The following B3GLCT variants were observed in gnomAD, a reference collection of about 807,000 sequenced individuals.
B3GLCT encodes the protein beta 3-glucosyltransferase, also known as beta-1,3-glucosyltransferase.
A neutral mutation model predicts 63.4 loss-of-function variants in B3GLCT; 65 were observed. The ratio of observed to expected loss-of-function variants is 1.03; its 90% confidence interval spans 0.84 to 1.26. The LOEUF (loss-of-function observed/expected upper bound fraction) is 1.26. Among genes scored for constraint, B3GLCT ranks in the 50% most tolerant of loss-of-function variants. The pLI is 0.00. For missense variants in B3GLCT, 577 were observed against 604.8 expected, an observed-to-expected ratio of 0.95 and a Z score of 0.48; for synonymous variants, 233 against 219.2, an observed-to-expected ratio of 1.06 and a Z score of -0.55.
At chr13:31,286,422 G>C (rs939430623) in intron 11 of B3GLCT, among the ~76,000 whole-genome samples, 1 of 152,186 alleles carries the variant, frequency 6.6e-6, no homozygotes, top group Non-Finnish European at 1.5e-5. Flanking sequence ...CTGGACTGAA[G>C]TTACTAATTC....
intron 2 of B3GLCT, among the ~76,000 whole-genome samples, chr13:31,220,206 A>C (rs539345594): frequency 6.6e-6 from 1 of 152,326 alleles, no homozygotes; most frequent in South Asian, 2.1e-4. Flanking sequence ...ATTCCATATA[A>C]AATTCTTTCG....
At chr13:31,321,808 T>C (rs1875340279) in intron 13 of B3GLCT, among the ~76,000 whole-genome samples, 2 of 150,376 alleles carry the variant, frequency 1.3e-5, no homozygotes, top group African/African-American at 4.9e-5. Context: ...ATGAAAGTTT[T>C]GGTACTTGGA....
intron 12 of B3GLCT, among the ~76,000 whole-genome samples, chr13:31,297,372 T>TG (rs1240610250): frequency 6.8e-6 from 1 of 146,674 alleles, no homozygotes; most frequent in African/African-American, 2.7e-5. Context: ...CATTATTTTC[T>TG]GGGTTTTTTT....
intron 8 of B3GLCT, among the ~76,000 whole-genome samples, chr13:31,271,722 T>C (rs1872580889): frequency 6.6e-6 from 1 of 152,244 alleles, no homozygotes; most frequent in Non-Finnish European, 1.5e-5. Flanking sequence ...TCTTCTTTAC[T>C]TCATTGCTTC....
intron 11 of B3GLCT, among the ~76,000 whole-genome samples, chr13:31,286,085 A>G (rs146844444): frequency 5.3e-5 from 8 of 152,318 alleles, no homozygotes; most frequent in South Asian, 2.1e-4. Flanking sequence ...CTGTTTATCA[A>G]TTTGACTACT....
Position 31,279,697 on chromosome 13 carries a change from G to A in B3GLCT, c.850+2926G>A, listed in dbSNP as rs147409646. Among the ~76,000 whole-genome samples, 78 of 152,196 alleles carry A rather than the reference G, an allele frequency of 5.1e-4. No individual in the cohort carries two copies. In the East Asian group the frequency reaches 0.013, roughly 24 times the overall value. On this transcript the variant is annotated intron_variant, in intron 10 of 14. Transcript: ENST00000343307. ...TTGTCATTGATAATATCTTATCAGG[G>A]GACAGGGTTTGAGAGCAGACAACCA...
chr13:31,263,433 T>G (rs1419545891), intron 7 of B3GLCT, among the ~76,000 whole-genome samples: 2 of 152,188 alleles, frequency 1.3e-5, no homozygotes, highest in African/African-American at 4.8e-5. Context: ...AACCTAACTC[T>G]TATGGCTGAC....
chr13:31,258,137 A>G (rs555310639), intron 6 of B3GLCT, among the ~76,000 whole-genome samples: 1 of 152,322 alleles, frequency 6.6e-6, no homozygotes, highest in South Asian at 2.1e-4. Context: ...GAGTGAAGGA[A>G]CTGAGGGAGT....
At chr13:31,301,575 A>T (rs563508976) in intron 12 of B3GLCT, among the ~76,000 whole-genome samples, 4 of 152,194 alleles carry the variant, frequency 2.6e-5, no homozygotes, top group Non-Finnish European at 5.9e-5. Flanking sequence ...TAGTCCCAGG[A>T]ATTTCCCCTT....
chr13:31,211,398 A>G (rs1222928841), intron 1 of B3GLCT, among the ~76,000 whole-genome samples: 1 of 152,192 alleles, frequency 6.6e-6, no homozygotes. Context: ...CTGTCTCAAA[A>G]CAAAACAAAA....
intron 10 of B3GLCT, among the ~76,000 whole-genome samples, chr13:31,277,486 G>A (rs1872853699): frequency 6.6e-6 from 1 of 151,804 alleles, no homozygotes; most frequent in Admixed American, 6.6e-5. Context: ...AAATTAGGCA[G>A]TCTTTTGCAT....
At chr13:31,302,538 C>A (rs1874277192) in intron 12 of B3GLCT, among the ~76,000 whole-genome samples, 1 of 124,222 alleles carries the variant, frequency 8.1e-6, no homozygotes, top group African/African-American at 3.1e-5. Context: ...TCAGGGAGTT[C>A]CCTTTCCGAG....
At chr13:31,260,698 T>G (rs1871981776) in intron 6 of B3GLCT, among the ~76,000 whole-genome samples, 1 of 152,218 alleles carries the variant, frequency 6.6e-6, no homozygotes, top group Non-Finnish European at 1.5e-5. Flanking sequence ...TATGGTATAA[T>G]GAGGACTAAC....
chr13:31,246,427 A>T (rs1056484705), intron 4 of B3GLCT, among the ~76,000 whole-genome samples: 1 of 152,198 alleles, frequency 6.6e-6, no homozygotes, highest in African/African-American at 2.4e-5. Flanking sequence ...AAATTTGTCA[A>T]TTCCATTATT....
intron 6 of B3GLCT, among the ~76,000 whole-genome samples, chr13:31,248,321 A>G (rs983443015): frequency 6.6e-6 from 1 of 152,218 alleles, no homozygotes; most frequent in Middle Eastern, 3.2e-3. Flanking sequence ...TATTTTAGAT[A>G]GAAAATTTTT....
intron 4 of B3GLCT, among the ~76,000 whole-genome samples, chr13:31,238,678 G>A (rs549605366): frequency 3.0e-4 from 46 of 152,266 alleles, no homozygotes; most frequent in Non-Finnish European, 6.2e-4. Context: ...TAGGCCAGGC[G>A]CACCTGTAGT....
At chr13:31,205,202 G>T (rs967986206) in intron 1 of B3GLCT, among the ~76,000 whole-genome samples, 1 of 151,826 alleles carries the variant, frequency 6.6e-6, no homozygotes, top group Non-Finnish European at 1.5e-5. Context: ...AGGTATTTTG[G>T]GGGGTCATTA....
At chr13:31,203,151 C>G (rs575087528) in intron 1 of B3GLCT, among the ~76,000 whole-genome samples, 2 of 152,310 alleles carry the variant, frequency 1.3e-5, no homozygotes, top group Admixed American at 1.3e-4. Flanking sequence ...TGAGCCAGGT[C>G]TTGCCCAGAT....
intron 1 of B3GLCT, among the ~76,000 whole-genome samples, chr13:31,212,335 C>T (rs1318520172): frequency 7.0e-6 from 1 of 143,144 alleles, no homozygotes; most frequent in Non-Finnish European, 1.5e-5. Flanking sequence ...AGTGCAGTGG[C>T]ATGATCTTGG....
Sources: gnomAD v4.1 joint callset for allele counts (sites outside exome capture counted in the v4.1 genomes callset) on GRCh38, gnomAD v4.1.1 for gene constraint, MANE v1.5 for transcripts, NCBI Gene and HGNC (gene_info 2026-07-23, HGNC 2026-07-21) for gene names.